Variants in OGDHL observed in about 807,000 individuals in gnomAD.
The protein encoded by OGDHL is oxoglutarate dehydrogenase L, also known as 2-oxoglutarate dehydrogenase-like, mitochondrial.
A neutral mutation model predicts 109.6 loss-of-function variants in OGDHL; 79 were observed. The ratio of observed to expected loss-of-function variants is 0.72; its 90% CI spans 0.60 to 0.87. OGDHL has a LOEUF of 0.87. Ranked by LOEUF, OGDHL falls within the 40% of genes least tolerant of loss-of-function variation. The pLI is 0.00. For missense variants in OGDHL, 1,275 were observed against 1,362.2 expected, an observed-to-expected ratio of 0.94 and a Z score of 1.01; for synonymous variants, 528 against 537.2, an observed-to-expected ratio of 0.98 and a Z score of 0.24.
chr10:49,747,359 C>G, intron 8 of OGDHL, 151 bp from the exon 9 acceptor site: 1 of 796,850 alleles, frequency 1.3e-6, no homozygotes, highest in Non-Finnish European at 2.0e-6. Flanking sequence ...CCTCTCTCCT[C>G]ATCACACTGC....
chr10:49,752,530 C>T, intron 4 of OGDHL, 108 bp downstream of exon 4: 1 of 965,878 alleles, frequency 1.0e-6, no homozygotes, highest in Non-Finnish European at 1.7e-6. Flanking sequence ...GTGGGCTGCT[C>T]CCCGAGCTCC....
intron 13 of OGDHL, among the ~76,000 whole-genome samples, chr10:49,744,419 C>G (rs1458531114): frequency 6.6e-6 from 1 of 152,162 alleles, no homozygotes; most frequent in Admixed American, 6.5e-5. Flanking sequence ...TCCTCTCCCA[C>G]CTGGCTATGC....
chr10:49,760,096 G>A (rs1843177121), intron 1 of OGDHL, among the ~76,000 whole-genome samples: 1 of 152,248 alleles, frequency 6.6e-6, no homozygotes, highest in South Asian at 2.1e-4. Flanking sequence ...CAGAGGAAAG[G>A]GGTGATGTCA....
Position 49,747,030 on chromosome 10 carries a change from T to C in OGDHL, c.1166A>G (p.Lys389Arg). 1 of 1,613,880 alleles carries C rather than the reference T, an allele frequency of 6.2e-7. No individual in the cohort carries two copies. The highest frequency in any genetic ancestry group is 8.5e-7 in the Non-Finnish European group (1 of 1,179,776). ...CTGGGTTCCCCCAGGTGAGCTCACC[T>C]TCTTGCCCTGGGCATCTCCACGGTA... ...QFYRGDAQGK[K>R]VMSILVHGDA... The change falls in exon 9 of 23, where the codon AAG becomes AGG. Residue 389 changes from lysine to arginine, a missense_variant and splice_region_variant. Physicochemically the swap from Lys to Arg is conservative, Grantham distance 26. Transcript: ENST00000374103.
chr10:49,757,596 G>A (rs988290333), intron 2 of OGDHL, among the ~76,000 whole-genome samples: 6 of 152,200 alleles, frequency 3.9e-5, no homozygotes, highest in African/African-American at 1.4e-4. Flanking sequence ...CACAGTCAGA[G>A]ACTAGAAATG....
intron 7 of OGDHL, among the ~76,000 whole-genome samples, chr10:49,750,059 G>A (rs922035941): frequency 6.6e-6 from 1 of 152,192 alleles, no homozygotes; most frequent in Non-Finnish European, 1.5e-5. Flanking sequence ...ACCAGACACT[G>A]GGCATTCCCA....
At position 49,736,192 on chromosome 10, in the gene OGDHL, A is replaced by T. The variant is rs1298909592; in HGVS notation, c.2755-15T>A. 2.5e-6 allele frequency: 4 copies of T among 1,578,384 alleles called. No homozygotes were observed. In the South Asian group the frequency reaches 3.6e-5, roughly 14 times the overall value. Reference sequence around the variant, plus strand: ...AATGGAGAGATCTGGGGAGGCAGAAACAAAGGAGCATAGCCAGAGGAGGGG... The same window carrying T: ...AATGGAGAGATCTGGGGAGGCAGAATCAAAGGAGCATAGCCAGAGGAGGGG... On this transcript the variant is annotated splice_polypyrimidine_tract_variant and intron_variant, in intron 21 of 22. Coordinates refer to ENST00000374103, the MANE Select transcript of OGDHL (RefSeq NM_018245.3).
intron 14 of OGDHL, among the ~76,000 whole-genome samples, chr10:49,743,265 GGTA>G (rs1445333027): frequency 2.6e-5 from 4 of 152,242 alleles, no homozygotes; most frequent in Admixed American, 6.5e-5. Context: ...CAGCTGTCAA[GGTA>G]CACGGATTTG....
Position 49,738,050 on chromosome 10 carries a change from A to G in OGDHL, c.2414T>C (p.Val805Ala). 2 of 1,614,140 alleles carry G rather than the reference A, an allele frequency of 1.2e-6. No homozygotes were observed. The highest frequency in any genetic ancestry group is 2.2e-5 in the South Asian group (2 of 91,078). ...AYPAFTKDFE[V>A]SQLYDCNWIV... is the part of the protein sequence containing the mutation. ...CCAGTTGCAGTCATAGAGCTGGCTC[A>G]CCTCGAAGTCCTTGGTGAATGCCTG... Residue 805 changes from valine to alanine, a missense_variant, in exon 19 of 23, where the codon GTG becomes GCG. Val to Ala is a moderately conservative substitution (Grantham distance 64). Transcript: ENST00000374103.
At position 49,751,932 on chromosome 10, in the gene OGDHL, A is replaced by G. The variant is rs939820593; in HGVS notation, c.644T>C (p.Val215Ala). ...CTGCCGGATCCACTGGCACTGCTCC[A>G]CATCGTTGATGAACATGAACTCCAG... ...IGLEFMFIND[V>A]EQCQWIRQKF... Residue 215 changes from valine to alanine, a missense_variant, in exon 6 of 23, where the codon GTG becomes GCG. Physicochemically the swap from Val to Ala is moderately conservative, Grantham distance 64. Transcript: ENST00000374103. The G allele has an allele frequency of 1.1e-5, 17 of 1,614,086 alleles. No homozygotes were observed. The highest frequency in any genetic ancestry group is 1.4e-5 in the Non-Finnish European group (17 of 1,180,044).
At chr10:49,744,835 G>A (rs2133020258) in intron 12 of OGDHL, 83 bp from the exon 13 acceptor site, 1 of 1,103,032 alleles carries the variant, frequency 9.1e-7, no homozygotes, top group East Asian at 2.4e-5. Flanking sequence ...GTAAGTCCTG[G>A]TCCCCATCAC....
In OGDHL at chr10:49,752,486, A is replaced by C; in HGVS notation, c.478+152T>G. 3 of 721,028 alleles carry C rather than the reference A, an allele frequency of 4.2e-6. No individual in the cohort carries two copies. In the South Asian group the frequency reaches 4.8e-5, roughly 12 times the overall value. 44.7% of individuals were successfully genotyped at this position (721,028 alleles called of 1,614,324 possible). ...GGCAGGCATCCTTCTCAGGAACAACAGGCAGTACACAGGCAAGGTAGAAAG... is the reference window on the plus strand; with the variant it reads ...GGCAGGCATCCTTCTCAGGAACAACCGGCAGTACACAGGCAAGGTAGAAAG... On this transcript the variant is annotated intron_variant, in intron 4 of 22. Coordinates refer to ENST00000374103, the MANE Select transcript of OGDHL (RefSeq NM_018245.3).
In OGDHL at chr10:49,746,743, T is replaced by A; in HGVS notation, c.1296+7A>T. The stretch of plus-strand genomic sequence containing the variant: ...TGTGAGGCCCAGCGTGGAGCCTACA[T>A]GCTCACCTGGTTGTTGACGACGACG... On this transcript the variant is annotated splice_region_variant and intron_variant, in intron 10 of 22. Coordinates refer to ENST00000374103, the MANE Select transcript of OGDHL (RefSeq NM_018245.3). The A allele has an allele frequency of 6.2e-7, 1 of 1,613,988 alleles. No individual in the cohort carries two copies.
At position 49,761,333 on chromosome 10, in the gene OGDHL, C is replaced by T. The variant is rs560211062; in HGVS notation, c.-2+906G>A. Among the ~76,000 whole-genome samples the T allele has an allele frequency of 1.4e-4, 21 of 152,318 alleles. 1 individual carries two copies. The East Asian group carries it at 3.5e-3, about 25-fold the overall frequency. On this transcript the variant is annotated intron_variant, in intron 1 of 22. Coordinates refer to ENST00000374103, the MANE Select transcript of OGDHL (RefSeq NM_018245.3). ...TGCCGACACCATGGCCACTAAGACT[C>T]CCACACACACAACCCTGTCTGGGGT...
chr10:49,736,008 G>C lies in OGDHL; in HGVS notation c.2909+15C>G. The C allele has an allele frequency of 5.8e-6, 9 of 1,545,096 alleles. No homozygotes were observed. The highest frequency in any genetic ancestry group is 7.9e-6 in the Non-Finnish European group (9 of 1,145,370). On this transcript the variant is annotated intron_variant, in intron 22 of 22. Coordinates refer to ENST00000374103, the MANE Select transcript of OGDHL (RefSeq NM_018245.3). Reference sequence around the variant, plus strand: ...AGGGCCGAGGTGAGGGGCAATCAGCGGCCCCACCATGTACCATATGGGCCG... The same window carrying C: ...AGGGCCGAGGTGAGGGGCAATCAGCCGCCCCACCATGTACCATATGGGCCG...
chr10:49,748,741 T>TCC (rs1554820921), intron 8 of OGDHL, among the ~76,000 whole-genome samples: 1 of 69,476 alleles, frequency 1.4e-5, no homozygotes, highest in East Asian at 4.2e-4. Context: ...TAGGTATGGG[T>TCC]CCACACACAC....
rs1415998978 is a variant in OGDHL, at chr10:49,739,856, A to C, written c.2141-17T>G. The stretch of plus-strand genomic sequence containing the variant: ...GCTCAAAGCCTAAACAGAAGACAAG[A>C]TAGAGCTTGCTGCACACAGTCACCA... On this transcript the variant is annotated splice_polypyrimidine_tract_variant and intron_variant, in intron 16 of 22. Coordinates refer to ENST00000374103, the MANE Select transcript of OGDHL (RefSeq NM_018245.3). 3.1e-6 allele frequency: 5 copies of C among 1,606,686 alleles called. No homozygotes were observed. The highest frequency in any genetic ancestry group is 4.3e-6 in the Non-Finnish European group (5 of 1,175,476).
intron 21 of OGDHL, 89 bp from the exon 22 acceptor site, chr10:49,736,266 C>G: frequency 1.9e-6 from 3 of 1,582,736 alleles, no homozygotes; most frequent in Non-Finnish European, 1.7e-6. Flanking sequence ...CCTCACCGGC[C>G]TTCATCTGGC....
intron 15 of OGDHL, among the ~76,000 whole-genome samples, chr10:49,741,447 G>T: frequency 6.6e-6 from 1 of 152,102 alleles, no homozygotes; most frequent in Non-Finnish European, 1.5e-5. Flanking sequence ...GAGAAAGCCA[G>T]CTGGTCAAGT....
Sources: gnomAD v4.1 joint callset for allele counts (sites outside exome capture counted in the v4.1 genomes callset) on GRCh38, gnomAD v4.1.1 for gene constraint, MANE v1.5 for transcripts, NCBI Gene and HGNC (gene_info 2026-07-23, HGNC 2026-07-21) for gene names.